C1QTNF3: variants seen among roughly 807,000 people sequenced by gnomAD.
C1QTNF3 encodes the protein C1q and TNF related 3.
A neutral mutation model predicts 32.6 loss-of-function variants in C1QTNF3; 26 were observed. That is an observed-to-expected ratio of 0.80 (90% CI 0.58 to 1.11). The LOEUF is 1.11. C1QTNF3 is among the 50% of genes least tolerant of loss of function. The probability of loss-of-function intolerance (pLI) is 0.00; values close to 1 mark genes in which losing one functional copy is unlikely to be tolerated. For missense variants in C1QTNF3, 362 were observed against 398.2 expected (o/e 0.91, Z 0.77); for synonymous variants, 155 against 146.0 (o/e 1.06, Z -0.44).
the C1QTNF3 span, among the ~76,000 whole-genome samples, chr5:34,137,656 A>G: frequency 6.6e-6 from 1 of 152,252 alleles, no homozygotes; most frequent in Non-Finnish European, 1.5e-5. Context: ...ACTAAAATTC[A>G]TGTGTTCAGA....
the C1QTNF3 span, among the ~76,000 whole-genome samples, chr5:34,156,574 G>A: frequency 6.6e-6 from 1 of 152,072 alleles, no homozygotes; most frequent in East Asian, 1.9e-4. Context: ...CTATTTATGG[G>A]AGTGACAGAA....
the C1QTNF3 span, among the ~76,000 whole-genome samples, chr5:34,057,602 T>C: frequency 2.6e-5 from 4 of 152,356 alleles, no homozygotes; most frequent in African/African-American, 9.6e-5. Flanking sequence ...TCAAAAAATA[T>C]GGACCTTTCA....
upstream of C1QTNF3, among the ~76,000 whole-genome samples, chr5:34,044,995 T>TG (rs1425174345): frequency 1.2e-4 from 18 of 151,936 alleles, no homozygotes; most frequent in African/African-American, 4.3e-4. Context: ...GGTGAGCAAG[T>TG]GGATGGGCTT....
the C1QTNF3 span, among the ~76,000 whole-genome samples, chr5:34,173,785 T>C: frequency 6.8e-6 from 1 of 147,440 alleles, no homozygotes; most frequent in Non-Finnish European, 1.5e-5. Context: ...TTGAATGCTA[T>C]AGTTTAGGAC....
the C1QTNF3 span, among the ~76,000 whole-genome samples, chr5:34,238,908 A>T: frequency 8.5e-5 from 13 of 152,318 alleles, no homozygotes; most frequent in African/African-American, 2.9e-4. Flanking sequence ...TCATGTTTTC[A>T]TACAGCAAGA....
At chr5:34,082,129 C>T in the C1QTNF3 span, among the ~76,000 whole-genome samples, 3 of 151,626 alleles carry the variant, frequency 2.0e-5, no homozygotes, top group African/African-American at 7.3e-5. Context: ...TCTTTGCAAC[C>T]ATTACATTGC....
chr5:34,076,735 T>C, the C1QTNF3 span, among the ~76,000 whole-genome samples: 1 of 151,810 alleles, frequency 6.6e-6, no homozygotes, highest in South Asian at 2.1e-4. Context: ...AACAACTAAC[T>C]TCTGTAGTGA....
chr5:34,240,220 T>C, the C1QTNF3 span, among the ~76,000 whole-genome samples: 1 of 144,334 alleles, frequency 6.9e-6, no homozygotes, highest in Non-Finnish European at 1.5e-5. Flanking sequence ...CTAAAGGAAC[T>C]AGGGAAAAAA....
At chr5:34,136,094 G>T in the C1QTNF3 span, among the ~76,000 whole-genome samples, 2 of 152,102 alleles carry the variant, frequency 1.3e-5, no homozygotes, top group Non-Finnish European at 2.9e-5. Flanking sequence ...CTTCATGGAA[G>T]TCCTTGAAGT....
rs761717549 is a variant in C1QTNF3 at position 34,033,459 on chromosome 5, C to T, written c.416-1G>A. ...TTGTTGCCATTGTTTCCATGGTTTCCTTAAACAACCAGACATCATCACATG... is the reference window on the plus strand; with the variant it reads ...TTGTTGCCATTGTTTCCATGGTTTCTTTAAACAACCAGACATCATCACATG... On this transcript the variant is annotated splice_acceptor_variant, in intron 2 of 5. Transcript: ENST00000382065. LOFTEE classifies it high-confidence loss of function. 6.2e-7 allele frequency: 1 copy of T among 1,614,152 alleles called. No individual in the cohort carries two copies. Among genetic ancestry groups the T allele is most frequent in the Admixed American group, 1.7e-5 (1 of 60,018 alleles).
the C1QTNF3 span, among the ~76,000 whole-genome samples, chr5:34,110,234 G>C: frequency 1.3e-5 from 2 of 151,816 alleles, no homozygotes; most frequent in Non-Finnish European, 2.9e-5. Flanking sequence ...TTGAAAAGAT[G>C]CGATGTGAGG....
chr5:34,135,424 T>A, the C1QTNF3 span, among the ~76,000 whole-genome samples: 1 of 152,066 alleles, frequency 6.6e-6, no homozygotes, highest in South Asian at 2.1e-4. Flanking sequence ...CAGGATGAGG[T>A]TGGCCTCATA....
At chr5:34,107,515 A>G in the C1QTNF3 span, among the ~76,000 whole-genome samples, 1 of 152,036 alleles carries the variant, frequency 6.6e-6, no homozygotes. Flanking sequence ...AATCTAAAAT[A>G]TGATTTTGGA....
the C1QTNF3 span, among the ~76,000 whole-genome samples, chr5:34,234,539 G>A: frequency 5.3e-5 from 8 of 151,980 alleles, no homozygotes; most frequent in African/African-American, 1.9e-4. Context: ...CTCTCCCTTA[G>A]GCCACTATAT....
At chr5:34,136,699 CAT>C in the C1QTNF3 span, among the ~76,000 whole-genome samples, 2 of 152,080 alleles carry the variant, frequency 1.3e-5, no homozygotes, top group South Asian at 2.1e-4. Flanking sequence ...CACGTGCACA[CAT>C]ATGTTTATTG....
chr5:34,113,054 A>C, the C1QTNF3 span, among the ~76,000 whole-genome samples: 2 of 149,364 alleles, frequency 1.3e-5, no homozygotes, highest in Non-Finnish European at 3.0e-5. Context: ...CTTCCCCTAG[A>C]CTTCTGTTAT....
chr5:34,242,446 T>C, the C1QTNF3 span, among the ~76,000 whole-genome samples: 1 of 152,158 alleles, frequency 6.6e-6, no homozygotes. Context: ...GCTGGGATAA[T>C]TCGCTAGCCA....
the C1QTNF3 span, among the ~76,000 whole-genome samples, chr5:34,214,912 C>G: frequency 6.6e-6 from 1 of 152,136 alleles, no homozygotes; most frequent in Admixed American, 6.6e-5. Context: ...ATGTAATTTA[C>G]TAACTGTAAA....
chr5:34,137,007 G>A, the C1QTNF3 span, among the ~76,000 whole-genome samples: 7 of 151,840 alleles, frequency 4.6e-5, no homozygotes, highest in Admixed American at 1.3e-4. Flanking sequence ...GGGGGTGGGG[G>A]CCTGGGGGAG....
Sources: gnomAD v4.1 joint callset for allele counts (sites outside exome capture counted in the v4.1 genomes callset) on GRCh38, gnomAD v4.1.1 for gene constraint, MANE v1.5 for transcripts, NCBI Gene and HGNC (gene_info 2026-07-23, HGNC 2026-07-21) for gene names.